The following BCOR variants were observed in gnomAD, a reference collection of about 807,000 sequenced individuals.
The protein encoded by BCOR is BCL6 corepressor, also known as BCL-6 corepressor.
A neutral mutation model predicts 86.7 loss-of-function variants in BCOR; 10 were observed. The ratio of observed to expected loss-of-function variants is 0.12; its 90% CI spans 0.07 to 0.20. The LOEUF is 0.20. Among genes scored for constraint, BCOR ranks in the 10% least tolerant of loss-of-function variants. The pLI, the probability that BCOR is intolerant of heterozygous loss-of-function variation, is 1.00. For missense variants in BCOR, 1,259 were observed against 1,452.1 expected, an observed-to-expected ratio of 0.87 and a Z score of 2.16; for synonymous variants, 611 against 609.0, an observed-to-expected ratio of 1.00 and a Z score of -0.05.
At chrX:40,123,189 G>C (rs1024850570) in intron 1 of BCOR, among the ~76,000 whole-genome samples, 1 of 110,920 alleles carries the variant, frequency 9.0e-6, no homozygotes, top group African/African-American at 3.3e-5. Context: ...AAATGCAACT[G>C]TTTCTCTCAC....
intron 1 of BCOR, among the ~76,000 whole-genome samples, chrX:40,161,372 G>T (rs1256895619): frequency 9.2e-6 from 1 of 108,907 alleles, no homozygotes; most frequent in Non-Finnish European, 1.9e-5. Context: ...GCTAATTTTT[G>T]TATTTTTAGT....
intron 10 of BCOR, among the ~76,000 whole-genome samples, chrX:40,058,303 A>G (rs756102209): frequency 2.2e-4 from 25 of 112,373 alleles, no homozygotes; most frequent in African/African-American, 8.1e-4. Flanking sequence ...CACATGGAAC[A>G]GTATCTGCCA....
chrX:40,170,130 C>T (rs1791549830), intron 1 of BCOR, among the ~76,000 whole-genome samples: 3 of 111,290 alleles, frequency 2.7e-5, no homozygotes, highest in Non-Finnish European at 5.7e-5. Context: ...CCTGGGTCTT[C>T]TGATGTTCAT....
rs778917235 is a variant in BCOR, at chrX:40,085,681, T to A, written c.-40-7712A>T. Reference sequence around the variant, plus strand: ...GACCAAAGTCAGCCCTAAATGATCTTCCAAAACCCAAGGAGGACCAGGCAG... The same window carrying A: ...GACCAAAGTCAGCCCTAAATGATCTACCAAAACCCAAGGAGGACCAGGCAG... On this transcript the variant is annotated intron_variant, in intron 1 of 14. Coordinates refer to ENST00000378444, the MANE Select transcript of BCOR (RefSeq NM_001123385.2). Among the ~76,000 whole-genome samples, 4 of 111,881 alleles carry A rather than the reference T, an allele frequency of 3.6e-5. No homozygotes were observed. The East Asian group carries it at 1.1e-3, about 31-fold the overall frequency.
intron 1 of BCOR, among the ~76,000 whole-genome samples, chrX:40,123,835 A>T (rs1422737737): frequency 9.1e-6 from 1 of 110,169 alleles, no homozygotes; most frequent in Non-Finnish European, 1.9e-5. Flanking sequence ...GCGCGCACGC[A>T]TAAGAGGGTT....
intron 1 of BCOR, among the ~76,000 whole-genome samples, chrX:40,138,195 AC>A (rs1367384654): frequency 1.8e-5 from 2 of 111,289 alleles, no homozygotes; most frequent in Non-Finnish European, 3.8e-5. Flanking sequence ...CAGGTGATCC[AC>A]CCGCCTTGGC....
intron 1 of BCOR, among the ~76,000 whole-genome samples, chrX:40,144,891 G>A (rs918037131): frequency 3.6e-5 from 4 of 111,125 alleles, no homozygotes; most frequent in African/African-American, 6.6e-5. Context: ...CACTCTGGCT[G>A]GCTTTCCACA....
At chrX:40,150,851 C>A (rs903750836) in intron 1 of BCOR, among the ~76,000 whole-genome samples, 5 of 112,589 alleles carry the variant, frequency 4.4e-5, no homozygotes, top group African/African-American at 1.6e-4. Context: ...AACTGCTCTG[C>A]CATCATCAAC....
At chrX:40,080,892 G>T (rs1936064234) in intron 1 of BCOR, among the ~76,000 whole-genome samples, 1 of 103,019 alleles carries the variant, frequency 9.7e-6, no homozygotes, top group Non-Finnish European at 2.0e-5. Flanking sequence ...TGGAGGATGG[G>T]GCTGAACATA....
intron 1 of BCOR, among the ~76,000 whole-genome samples, chrX:40,169,838 G>C (rs1938583014): frequency 9.0e-6 from 1 of 111,408 alleles, no homozygotes; most frequent in South Asian, 3.8e-4. Context: ...GGACGGCGCT[G>C]CACGGGGGGC....
intron 1 of BCOR, among the ~76,000 whole-genome samples, chrX:40,139,487 A>G (rs1266060838): frequency 5.5e-4 from 7 of 12,665 alleles, no homozygotes; most frequent in Non-Finnish European, 6.8e-4. Context: ...ATATATATAT[A>G]TATATATATA....
rs1936932906 is a variant in BCOR, at chrX:40,097,261, C to T, written c.-87G>A. 1.1e-5 allele frequency: 1 copy of T among 94,398 alleles called. No individual in the cohort carries two copies. The highest frequency in any genetic ancestry group is 3.8e-4 in the East Asian group (1 of 2,651). 7.8% of individuals were successfully genotyped at this position (94,398 alleles called of 1,213,427 possible). A position where few individuals can be genotyped will look rare whatever the true frequency, so the allele number is the denominator to read the frequency against. ...TAGGCAGGGAGCCTGCGATCCGGCT[C>T]TTTGAAGTTTTCCCCCAAGCGGACT... is the stretch of plus-strand genomic sequence containing the variant. On this transcript the variant is annotated 5_prime_UTR_variant, in exon 1 of 15. Coordinates refer to ENST00000378444, the MANE Select transcript of BCOR (RefSeq NM_001123385.2).
chrX:40,054,391 T>C, intron 12 of BCOR, 58 bp from the exon 13 acceptor site: 1 of 980,753 alleles, frequency 1.0e-6, no homozygotes, highest in Non-Finnish European at 1.4e-6. Context: ...AACAAAATGA[T>C]GGCAGAGCCA....
intron 1 of BCOR, among the ~76,000 whole-genome samples, chrX:40,175,258 A>C (rs1938719166): frequency 1.8e-5 from 2 of 113,418 alleles, no homozygotes; most frequent in Non-Finnish European, 3.7e-5. Context: ...GGCAGATGGA[A>C]ACCAGGCCCC....
intron 1 of BCOR, among the ~76,000 whole-genome samples, chrX:40,140,826 A>G (rs911412097): frequency 3.5e-5 from 4 of 113,324 alleles, no homozygotes; most frequent in African/African-American, 1.3e-4. Context: ...CACACTTATG[A>G]CAAGTGAGCA....
At chrX:40,052,458 C>T in intron 14 of BCOR, 58 bp from the exon 15 acceptor site, 2 of 1,114,798 alleles carry the variant, frequency 1.8e-6, no homozygotes, top group South Asian at 3.8e-5. Context: ...GTGCGCCCAA[C>T]TATTAATATT....
chrX:40,102,887 C>A (rs1013571715), upstream of BCOR, among the ~76,000 whole-genome samples: 54 of 113,229 alleles, frequency 4.8e-4, no homozygotes, highest in African/African-American at 1.7e-3. Context: ...GTGAGTGGCG[C>A]GGGATGGTTG....
chrX:40,108,492 C>G (rs1937236589), intron 1 of BCOR, among the ~76,000 whole-genome samples: 1 of 113,582 alleles, frequency 8.8e-6, no homozygotes, highest in Non-Finnish European at 1.9e-5. Flanking sequence ...AGCGCAAAGC[C>G]TCCACCGGGG....
rs1001388439 is a variant in BCOR, at chrX:40,063,492, C to T, written c.3847+116G>A. 59 of 597,322 alleles carry T rather than the reference C, an allele frequency of 9.9e-5. No individual in the cohort carries two copies. In the South Asian group the frequency reaches 1.1e-3, roughly 11 times the overall value. The allele number at this position is 597,322 out of a possible 1,213,427, so 49.2% of individuals were successfully genotyped here. On this transcript the variant is annotated intron_variant, in intron 8 of 14. Coordinates refer to ENST00000378444, the MANE Select transcript of BCOR (RefSeq NM_001123385.2). ...GAGAACTCCCTGCCTGCCACATCTT[C>T]GTTGAAGTCAATTGCTATGGCCTTC...
Sources: gnomAD v4.1 joint callset for allele counts (sites outside exome capture counted in the v4.1 genomes callset) on GRCh38, gnomAD v4.1.1 for gene constraint, MANE v1.5 for transcripts, NCBI Gene and HGNC (gene_info 2026-07-23, HGNC 2026-07-21) for gene names.